The following AP4E1 variants were observed in gnomAD, a reference collection of about 807,000 sequenced individuals.
The protein encoded by AP4E1 is AP-4 complex subunit epsilon-1.
In AP4E1, 56 loss-of-function variants were observed where a neutral mutation model predicts 128.2. The observed-to-expected ratio is 0.44, with a 90% CI of 0.35 to 0.55. The LOEUF (loss-of-function observed/expected upper bound fraction) is 0.55, where lower values mean the gene tolerates loss of function less well. Among genes scored for constraint, AP4E1 ranks in the 20% least tolerant of loss-of-function variants. The pLI is 0.00. For synonymous variants in AP4E1, 484 were observed against 473.1 expected (o/e 1.02, Z -0.30); for missense variants, 1,324 against 1,307.7 (o/e 1.01, Z -0.19).
Position 50,930,797 on chromosome 15 carries a change from G to C in AP4E1, c.703-8G>C, listed in dbSNP as rs981002849. 6.2e-7 allele frequency: 1 copy of C among 1,612,792 alleles called. No homozygotes were observed. Among genetic ancestry groups the C allele is most frequent in the South Asian group, 1.1e-5 (1 of 90,806 alleles). On this transcript the variant is annotated splice_region_variant and splice_polypyrimidine_tract_variant and intron_variant, in intron 6 of 20. Transcript: ENST00000261842. ...TATTAACAAAGTTTTTTTTGCGGGG[G>C]GATGTAGGAGAATTCATCTGGATAT...
chr15:51,002,781 G>A lies in AP4E1; in HGVS notation c.*119G>A, dbSNP rs1038807148. 2.4e-6 allele frequency: 3 copies of A among 1,274,874 alleles called. No individual in the cohort carries two copies. Among genetic ancestry groups the A allele is most frequent in the African/African-American group, 3.0e-5 (2 of 67,444 alleles). 79.0% of individuals were successfully genotyped at this position (1,274,874 alleles called of 1,614,324 possible). On this transcript the variant is annotated 3_prime_UTR_variant, in exon 21 of 21. Coordinates refer to ENST00000261842, the MANE Select transcript of AP4E1 (RefSeq NM_007347.5). ...GAAAATGGGGATTATTACAAGTGTG[G>A]TTTATATGTTTTCTTTGTGATTCCT...
At chr15:50,944,863 G>T in intron 10 of AP4E1, 1 of 778,028 alleles carries the variant, frequency 1.3e-6, no homozygotes, top group South Asian at 1.5e-5. Context: ...CACCAAGATG[G>T]AGTCAGTTGC....
At chr15:50,983,996 C>T (rs1328948559) in intron 15 of AP4E1, 26 bp from the exon 16 acceptor site, 1 of 1,607,692 alleles carries the variant, frequency 6.2e-7, no homozygotes, top group Admixed American at 1.7e-5. Flanking sequence ...TAAATATGAA[C>T]CTCTGTTATT....
At position 50,999,258 on chromosome 15, in the gene AP4E1, A is replaced by G. The variant is rs2140936968; in HGVS notation, c.3091A>G (p.Ile1031Val). ...TGTAAACTTATCACTATTAGATTTCATTAGGTAAATGTTTTGTGAAATGTT... is the reference window on the plus strand; with the variant it reads ...TGTAAACTTATCACTATTAGATTTCGTTAGGTAAATGTTTTGTGAAATGTT... The part of the protein sequence containing the change: ...FSVNLSLLDF[I>V]RPLKISSDDF... Residue 1031 changes from isoleucine (I) to valine (V), a missense_variant, in exon 19 of 21, where the codon ATT becomes GTT. Coordinates refer to ENST00000261842, the MANE Select transcript of AP4E1 (RefSeq NM_007347.5). The G allele has an allele frequency of 6.2e-7, 1 of 1,609,084 alleles. No homozygotes were observed. The highest frequency in any genetic ancestry group is 8.5e-7 in the Non-Finnish European group (1 of 1,177,346).
At chr15:50,938,242 C>G (rs1219785918) in intron 8 of AP4E1, among the ~76,000 whole-genome samples, 1 of 152,002 alleles carries the variant, frequency 6.6e-6, no homozygotes, top group Non-Finnish European at 1.5e-5. Context: ...TCTGGAAATG[C>G]CAACAGACGC....
At chr15:50,992,815 A>G (rs1480465769) in intron 16 of AP4E1, among the ~76,000 whole-genome samples, 1 of 152,216 alleles carries the variant, frequency 6.6e-6, no homozygotes, top group Non-Finnish European at 1.5e-5. Context: ...GGATTAAAGT[A>G]AATTTATGGG....
chr15:50,927,471 A>T (rs2063782387), intron 5 of AP4E1, among the ~76,000 whole-genome samples: 1 of 150,972 alleles, frequency 6.6e-6, no homozygotes, highest in African/African-American at 2.4e-5. Context: ...TTATGTTAGT[A>T]CCACCACTTG....
At chr15:50,927,132 A>G (rs530426470) in intron 5 of AP4E1, among the ~76,000 whole-genome samples, 2 of 152,228 alleles carry the variant, frequency 1.3e-5, no homozygotes, top group African/African-American at 4.8e-5. Context: ...CCTTACCACT[A>G]CTTTTGTGGT....
At chr15:50,930,630 G>C (rs527943643) in intron 6 of AP4E1, among the ~76,000 whole-genome samples, 175 bp from the exon 7 acceptor site, 1 of 152,044 alleles carries the variant, frequency 6.6e-6, no homozygotes, top group Non-Finnish European at 1.5e-5. Flanking sequence ...GCTTTGGGTT[G>C]GTTAGCCAGA....
At chr15:50,966,630 A>T (rs2064398173) in intron 14 of AP4E1, among the ~76,000 whole-genome samples, 1 of 140,924 alleles carries the variant, frequency 7.1e-6, no homozygotes, top group East Asian at 2.1e-4. Flanking sequence ...TCCTCCTCCC[A>T]GGTTTCAAGT....
chr15:50,995,628 C>T (rs867331030), intron 17 of AP4E1, among the ~76,000 whole-genome samples: 1 of 152,016 alleles, frequency 6.6e-6, no homozygotes, highest in African/African-American at 2.4e-5. Context: ...TCAAGTGATT[C>T]GCCTCCCTTG....
chr15:50,961,622 A>G (rs1342554667), intron 14 of AP4E1, among the ~76,000 whole-genome samples: 1 of 152,014 alleles, frequency 6.6e-6, no homozygotes, highest in Admixed American at 6.6e-5. Flanking sequence ...TAAAGCCCAT[A>G]TATGACAAAC....
In AP4E1 at chr15:50,945,285, A is replaced by G. The variant is rs180691776; in HGVS notation, c.1177-2735A>G. ...TAGTGTTAAATTTAACCCAATCGAG[A>G]CATTTCTCTTGGGAAGTTTGTGCGT... is the stretch of plus-strand genomic sequence containing the variant. On this transcript the variant is annotated intron_variant, in intron 10 of 20. Coordinates refer to ENST00000261842, the MANE Select transcript of AP4E1 (RefSeq NM_007347.5). 44 of 782,362 alleles carry G rather than the reference A, an allele frequency of 5.6e-5. No homozygotes were observed. In the East Asian group the frequency reaches 1.0e-3, roughly 19 times the overall value. The allele number at this position is 782,362 out of a possible 1,614,324, so 48.5% of individuals were successfully genotyped here.
rs1046625242 is a variant in AP4E1, at chr15:50,986,342, G to A, written c.2090+2197G>A. On this transcript the variant is annotated intron_variant, in intron 16 of 20. Coordinates refer to ENST00000261842, the MANE Select transcript of AP4E1 (RefSeq NM_007347.5). ...TGCCCTGGCCAGAACTTCCAACACT[G>A]TGTTGAATAGGAGTGGTGAGAGAGG... Among the ~76,000 whole-genome samples the A allele has an allele frequency of 6.6e-5, 10 of 152,040 alleles. No individual in the cohort carries two copies. In the East Asian group the frequency reaches 1.3e-3, roughly 21 times the overall value.
chr15:50,932,484 A>G (rs531992729), intron 7 of AP4E1, among the ~76,000 whole-genome samples: 2 of 152,316 alleles, frequency 1.3e-5, no homozygotes, highest in African/African-American at 4.8e-5. Flanking sequence ...GTTGCTTGAG[A>G]GCAAGCCCCT....
At chr15:50,981,653 T>C (rs2140911601) in intron 15 of AP4E1, among the ~76,000 whole-genome samples, 1 of 152,366 alleles carries the variant, frequency 6.6e-6, no homozygotes, top group East Asian at 1.9e-4. Flanking sequence ...TGTGAATGTG[T>C]ACTCCAAAGT....
At chr15:50,952,616 T>C (rs963801183) in intron 13 of AP4E1, among the ~76,000 whole-genome samples, 7 of 152,178 alleles carry the variant, frequency 4.6e-5, no homozygotes, top group African/African-American at 1.7e-4. Context: ...TTAGGGCTAT[T>C]ATTCTCCTCC....
intron 3 of AP4E1, chr15:50,915,867 A>G (rs2063624615): frequency 6.4e-6 from 2 of 310,678 alleles, no homozygotes; most frequent in Admixed American, 4.8e-5. Flanking sequence ...TTTTTTGTAT[A>G]TAAATTATAT....
intron 13 of AP4E1, among the ~76,000 whole-genome samples, chr15:50,953,329 G>A (rs532862797): frequency 6.6e-6 from 1 of 152,312 alleles, no homozygotes; most frequent in East Asian, 1.9e-4. Flanking sequence ...GTCATGTACA[G>A]TCGGCCCCCT....
Sources: gnomAD v4.1 joint callset for allele counts (sites outside exome capture counted in the v4.1 genomes callset) on GRCh38, gnomAD v4.1.1 for gene constraint, MANE v1.5 for transcripts, NCBI Gene and HGNC (gene_info 2026-07-23, HGNC 2026-07-21) for gene names.